The following ASPSCR1 variants were observed in gnomAD, a reference collection of about 807,000 sequenced individuals.
ASPSCR1 encodes tether containing UBX domain for GLUT4.
Under a neutral mutation model 68.9 loss-of-function variants are expected in ASPSCR1, and 55 were observed. The ratio of observed to expected loss-of-function variants is 0.80; its 90% confidence interval spans 0.64 to 1.00. ASPSCR1 has a LOEUF of 1.00. ASPSCR1 is among the 50% of genes least tolerant of loss of function. The pLI, the probability that ASPSCR1 is intolerant of heterozygous loss-of-function variation, is 0.00. For missense variants in ASPSCR1, 765 were observed against 762.2 expected (o/e 1.00, Z -0.04); for synonymous variants, 352 against 332.6 (o/e 1.06, Z -0.63).
At chr17:82,001,859 C>T (rs930478127) in intron 7 of ASPSCR1, among the ~76,000 whole-genome samples, 23 of 152,260 alleles carry the variant, frequency 1.5e-4, no homozygotes, top group Non-Finnish European at 2.6e-4. Context: ...CCTGCCTGTC[C>T]GGGGGTGTTG....
rs944122163 is a variant in ASPSCR1, at chr17:81,986,252, C to G, written c.374+645C>G. On this transcript the variant is annotated intron_variant, in intron 4 of 15. Transcript: ENST00000306739. This position sits in a 1 kb window ranked among gnomAD's most constrained non-coding sequence, Gnocchi z 5.2. ...TAGCCTCGGCAACATAGTGAAACCC[C>G]TTCTCTACAAAAAATAGAAATGTTA... 6.6e-6 allele frequency among the ~76,000 whole-genome samples: 1 copy of G among 152,036 alleles called. No individual in the cohort carries two copies. The highest frequency in any genetic ancestry group is 1.5e-5 in the Non-Finnish European group (1 of 68,002).
rs2041651760 is a variant in ASPSCR1, at chr17:81,977,809, G to A, written c.102+61G>A. ...GCGGGGGGCGCTGCGCCGAGGCCCC[G>A]CCCATTGCGGTCGGCGTCCCGGTGT... On this transcript the variant is annotated intron_variant, in intron 1 of 15. Transcript: ENST00000306739. The surrounding 1 kb of genome is among the most constrained non-coding windows in gnomAD (Gnocchi z 5.0). 5 of 1,164,858 alleles carry A rather than the reference G, an allele frequency of 4.3e-6. No homozygotes were observed. Among genetic ancestry groups the A allele is most frequent in the Non-Finnish European group, 5.3e-6 (5 of 935,556 alleles). 72.2% of individuals were successfully genotyped at this position (1,164,858 alleles called of 1,614,324 possible).
At chr17:82,007,105 CTCAGGTGGCCTGGGCCCT>C (rs1334345893) in intron 7 of ASPSCR1, 1 of 152,298 alleles carries the variant, frequency 6.6e-6, no homozygotes, top group East Asian at 1.9e-4. Flanking sequence ...CTCGGGGTGA[CTCAGGTGGCCTGGGCCCT>C]TCTGGTAGCC....
Position 82,016,631 on chromosome 17 carries a change from T to C in ASPSCR1, c.1405+104T>C. The C allele has an allele frequency of 2.0e-6, 3 of 1,491,770 alleles. No individual in the cohort carries two copies. In the South Asian group the frequency reaches 3.6e-5, roughly 18 times the overall value. The allele number at this position is 1,491,770 out of a possible 1,614,324, so 92.4% of individuals were successfully genotyped here. A position where few individuals can be genotyped will look rare whatever the true frequency, so the allele number is the denominator to read the frequency against. On this transcript the variant is annotated intron_variant, in intron 13 of 15. Coordinates refer to ENST00000306739, the MANE Select transcript of ASPSCR1 (RefSeq NM_024083.4). The stretch of plus-strand genomic sequence containing the variant: ...CGTTCGGTCTGGGGCCTCCTTTGGG[T>C]CTGAGAGGGAGATCTGCGGCCCCCA...
chr17:82,008,302 C>CGA (rs1483609092), intron 7 of ASPSCR1: 2 of 152,278 alleles, frequency 1.3e-5, no homozygotes, highest in African/African-American at 4.8e-5. Context: ...CCCCAGGTGT[C>CGA]GAGAGTGTGA....
At chr17:81,993,776 C>T (rs1223666358) in intron 4 of ASPSCR1, among the ~76,000 whole-genome samples, 4 of 152,268 alleles carry the variant, frequency 2.6e-5, no homozygotes, top group Non-Finnish European at 5.9e-5. Flanking sequence ...TAATCTTTAT[C>T]CCCTGTGTTC....
intron 12 of ASPSCR1, chr17:82,015,303 AGTG>A: frequency 6.3e-7 from 1 of 1,598,136 alleles, no homozygotes; most frequent in East Asian, 2.2e-5. Flanking sequence ...TCGTCCGAGC[AGTG>A]GCGATCCCTC....
At chr17:81,981,825 C>G (rs1387391852) in intron 2 of ASPSCR1, among the ~76,000 whole-genome samples, 1 of 151,932 alleles carries the variant, frequency 6.6e-6, no homozygotes, top group Non-Finnish European at 1.5e-5. Flanking sequence ...CGTGCCACGC[C>G]TGGCTAATTT....
rs982980259 is a variant in ASPSCR1, at chr17:81,986,766, T to C, written c.374+1159T>C. Among the ~76,000 whole-genome samples the C allele has an allele frequency of 2.4e-5, 3 of 125,464 alleles. No individual in the cohort carries two copies. Among genetic ancestry groups the C allele is most frequent in the African/African-American group, 7.5e-5 (2 of 26,728 alleles). The allele number at this position is 125,464 out of a possible 152,430, so 82.3% of individuals were successfully genotyped here. On this transcript the variant is annotated intron_variant, in intron 4 of 15. Coordinates refer to ENST00000306739, the MANE Select transcript of ASPSCR1 (RefSeq NM_024083.4). The surrounding 1 kb of genome is among the most constrained non-coding windows in gnomAD (Gnocchi z 5.2). ...GCGTCGGGCGCTGGGAAGGTGACTGTGCGTTGGGCGCGCTTGGTGGCCCCA... is the reference window on the plus strand; with the variant it reads ...GCGTCGGGCGCTGGGAAGGTGACTGCGCGTTGGGCGCGCTTGGTGGCCCCA...
intron 4 of ASPSCR1, among the ~76,000 whole-genome samples, chr17:81,993,560 G>GGTGAGTGCACA (rs2042241349): frequency 6.6e-6 from 1 of 152,192 alleles, no homozygotes; most frequent in Admixed American, 6.5e-5. Context: ...GTCGGGGCAC[G>GGTGAGTGCACA]GTGAGTGCAC....
In ASPSCR1 at chr17:81,987,967, G is replaced by A. The variant is rs1039229328; in HGVS notation, c.374+2360G>A. 1.3e-5 allele frequency among the ~76,000 whole-genome samples: 2 copies of A among 151,962 alleles called. No homozygotes were observed. Among genetic ancestry groups the A allele is most frequent in the African/African-American group, 4.8e-5 (2 of 41,374 alleles). On this transcript the variant is annotated intron_variant, in intron 4 of 15. Coordinates refer to ENST00000306739, the MANE Select transcript of ASPSCR1 (RefSeq NM_024083.4). This position sits in a 1 kb window ranked among gnomAD's most constrained non-coding sequence, Gnocchi z 5.6. ...GAGGTCAGGAGTTCGAGACCAGCCT[G>A]GCCAATATGGTGAAACTCCATCTCT...
intron 12 of ASPSCR1, 22 bp from the exon 13 acceptor site, chr17:82,016,454 G>A: frequency 6.5e-7 from 1 of 1,545,934 alleles, no homozygotes; most frequent in Non-Finnish European, 8.7e-7. Context: ...CCCGGCCCCT[G>A]AGCCCCCCGC....
intron 1 of ASPSCR1, chr17:81,978,599 C>G (rs2041691215): frequency 6.5e-6 from 1 of 153,094 alleles, no homozygotes; most frequent in South Asian, 2.0e-4. Flanking sequence ...GTGCACACGA[C>G]TCGGAGTTTG....
chr17:81,979,396 C>A (rs923818983), intron 2 of ASPSCR1, among the ~76,000 whole-genome samples, 157 bp downstream of exon 2: 5 of 152,224 alleles, frequency 3.3e-5, no homozygotes, highest in Admixed American at 2.6e-4. Flanking sequence ...GGGCCACACT[C>A]TCTCCAAATG....
At chr17:81,980,462 C>T (rs1327018880) in intron 2 of ASPSCR1, among the ~76,000 whole-genome samples, 1 of 152,272 alleles carries the variant, frequency 6.6e-6, no homozygotes, top group Non-Finnish European at 1.5e-5. Flanking sequence ...AATCCCAGGA[C>T]CTGTGCTCTG....
At position 81,995,453 on chromosome 17, in the gene ASPSCR1, G is replaced by T. The variant is rs141743833; in HGVS notation, c.433-539G>T. 605 of 229,198 alleles carry T rather than the reference G, an allele frequency of 2.6e-3. 3 individuals carry two copies. Among genetic ancestry groups the T allele is most frequent in the African/African-American group, 0.013 (557 of 43,212 alleles). 14.2% of individuals were successfully genotyped at this position (229,198 alleles called of 1,614,324 possible). A position where few individuals can be genotyped will look rare whatever the true frequency, so the allele number is the denominator to read the frequency against. ...GACCCAGGCCCAGCACTGTCCTGAG[G>T]CTGTGGCCCTCAGGGACCCTTACAC... On this transcript the variant is annotated intron_variant, in intron 5 of 15. Coordinates refer to ENST00000306739, the MANE Select transcript of ASPSCR1 (RefSeq NM_024083.4).
chr17:82,007,981 T>C (rs2042779014), intron 7 of ASPSCR1: 1 of 152,272 alleles, frequency 6.6e-6, no homozygotes, highest in East Asian at 1.9e-4. Flanking sequence ...TGCCCTGCCA[T>C]GACGCTGCTG....
chr17:81,996,294 A>AGGAGAGGGTGAACCGGGGGCG, intron 6 of ASPSCR1, 126 bp from the exon 7 acceptor site: 17 of 1,342,762 alleles, frequency 1.3e-5, no homozygotes, highest in African/African-American at 1.7e-5. Flanking sequence ...CGCATGGGGC[A>AGGAGAGGGTGAACCGGGGGCG]GGAGAGGGTG....
rs4796860 is a variant in ASPSCR1, at chr17:81,985,599, A to G, written c.366A>G (p.Pro122=). 2.5e-3 allele frequency: 4,104 copies of G among 1,613,766 alleles called. 108 individuals are homozygous for G. The African/African-American group carries it at 0.05, about 20-fold the overall frequency. The change falls in exon 4 of 16, where the codon CCA becomes CCG. Residue 122 remains proline, a synonymous_variant. Transcript: ENST00000306739. The part of the protein sequence containing the change: ...QTLWELLSHF[P]QIRECLQHPG... ...TCTGGGAGCTTCTCAGCCATTTTCC[A>G]CAGATCAGGTGAGCATCAGTGGGCT...
Sources: allele counts gnomAD v4.1 joint callset (sites outside exome capture counted in the v4.1 genomes callset), GRCh38; gene constraint gnomAD v4.1.1; non-coding constraint Gnocchi (gnomAD v3.1); transcripts MANE v1.5; gene names NCBI Gene and HGNC (gene_info 2026-07-23, HGNC 2026-07-21).